The following TMED6 variants were observed in gnomAD, a reference collection of about 807,000 sequenced individuals.
The protein encoded by TMED6 is transmembrane p24 trafficking protein 6.
Under a neutral mutation model 26.5 loss-of-function variants are expected in TMED6, and 17 were observed. That is an observed-to-expected ratio of 0.64 (90% confidence interval 0.44 to 0.96). TMED6 has a LOEUF of 0.96. Among genes scored for constraint, TMED6 ranks in the 40% least tolerant of loss-of-function variants. The pLI, the probability that TMED6 is intolerant of heterozygous loss-of-function variation, is 0.00. For missense variants in TMED6, 309 were observed against 296.5 expected, an observed-to-expected ratio of 1.04 and a Z score of -0.31; for synonymous variants, 107 against 106.2, an observed-to-expected ratio of 1.01 and a Z score of -0.04.
chr16:69,346,224 T>C (rs759270693), intron 3 of TMED6, among the ~76,000 whole-genome samples: 1 of 152,210 alleles, frequency 6.6e-6, no homozygotes, highest in Non-Finnish European at 1.5e-5. Context: ...GTAAACAGTC[T>C]CCAGTAATTC....
intron 3 of TMED6, 128 bp downstream of exon 3, chr16:69,347,660 A>C: frequency 7.2e-7 from 1 of 1,381,660 alleles, no homozygotes; most frequent in Non-Finnish European, 9.9e-7. Flanking sequence ...GTGCCCAGCC[A>C]AGTCATAATT....
In TMED6 at chr16:69,343,486, G is replaced by T; in HGVS notation, c.644C>A (p.Ser215Tyr). Reference sequence around the variant, plus strand: ...CAAGAAATACAGTTGCAGGATCCCAGAAAGAATAATAACAAGGCTCTGGGC... The same window carrying T: ...CAAGAAATACAGTTGCAGGATCCCATAAAGAATAATAACAAGGCTCTGGGC... ...STAQSLVIIL[S>Y]GILQLYFLKR... The change falls in exon 4 of 4, where the codon TCT becomes TAT. Residue 215 changes from serine (S) to tyrosine (Y), a missense_variant. Transcript: ENST00000288025. 6.2e-7 allele frequency: 1 copy of T among 1,614,158 alleles called. No homozygotes were observed. Among genetic ancestry groups the T allele is most frequent in the South Asian group, 1.1e-5 (1 of 91,084 alleles).
Position 69,347,863 on chromosome 16 carries a change from G to C in TMED6, c.414C>G (p.Val138=). The change falls in exon 3 of 4, where the codon GTC becomes GTG. Residue 138 remains valine, a synonymous_variant. Transcript: ENST00000288025. ...GSVQVYLNFG[V]FYEGPETDHK... Reference sequence around the variant, plus strand: ...GATCAGTCTCAGGCCCCTCATAGAAGACCCCAAAGTTGAGGTACACTTGCA... The same window carrying C: ...GATCAGTCTCAGGCCCCTCATAGAACACCCCAAAGTTGAGGTACACTTGCA... 5 of 1,614,050 alleles carry C rather than the reference G, an allele frequency of 3.1e-6. No homozygotes were observed. The highest frequency in any genetic ancestry group is 4.2e-6 in the Non-Finnish European group (5 of 1,180,000).
At position 69,343,465 on chromosome 16, in the gene TMED6, A is replaced by C; in HGVS notation, c.665T>G (p.Phe222Cys). Reference protein sequence around the residue: ...IILSGILQLYFLKRLFNVPTT... With the variant: ...IILSGILQLYCLKRLFNVPTT... The stretch of plus-strand genomic sequence containing the variant: ...TGGAACATTGAAGAGACGCTTCAAG[A>C]AATACAGTTGCAGGATCCCAGAAAG... The change falls in exon 4 of 4, where the codon TTC (phenylalanine) becomes TGC (cysteine). Residue 222 changes from phenylalanine to cysteine, a missense_variant. Transcript: ENST00000288025. 1 of 1,614,206 alleles carries C rather than the reference A, an allele frequency of 6.2e-7. No homozygotes were observed. The highest frequency in any genetic ancestry group is 8.5e-7 in the Non-Finnish European group (1 of 1,180,036).
At chr16:69,350,133 A>C (rs60268001) in intron 1 of TMED6, among the ~76,000 whole-genome samples, 1 of 151,682 alleles carries the variant, frequency 6.6e-6, no homozygotes, top group Non-Finnish European at 1.5e-5. Flanking sequence ...TTAGCCTGGC[A>C]TGGTGGCGTG....
rs769180174 is a variant in TMED6 at position 69,351,685 on chromosome 16, C to T, written c.69G>A (p.Lys23=). 6.2e-7 allele frequency: 1 copy of T among 1,613,908 alleles called. No homozygotes were observed. The highest frequency in any genetic ancestry group is 1.7e-5 in the Admixed American group (1 of 59,980). Reference sequence around the variant, plus strand: ...CCCCAGAGCCACTTAGAGGTTCTGTCTTCTGGCTCCTGGCAGACGTCACTA... The same window carrying T: ...CCCCAGAGCCACTTAGAGGTTCTGTTTTCTGGCTCCTGGCAGACGTCACTA... The part of the protein sequence containing the change: ...LNLVTSARSQ[K]TEPLSGSGDQ... Residue 23 remains lysine, a synonymous_variant, in exon 1 of 4, where the codon AAG becomes AAA. Coordinates refer to ENST00000288025, the MANE Select transcript of TMED6 (RefSeq NM_144676.4).
chr16:69,351,484 C>G (rs1332196017), intron 1 of TMED6, 57 bp downstream of exon 1: 11 of 1,556,624 alleles, frequency 7.1e-6, no homozygotes, highest in African/African-American at 1.4e-5. Flanking sequence ...ACCTGACCCA[C>G]TTTATGAGTA....
At position 69,343,493 on chromosome 16, in the gene TMED6, T is replaced by A. The variant is rs773665936; in HGVS notation, c.637A>T (p.Ile213Phe). The A allele has an allele frequency of 6.2e-7, 1 of 1,614,190 alleles. No homozygotes were observed. Among genetic ancestry groups the A allele is most frequent in the Non-Finnish European group, 8.5e-7 (1 of 1,180,032 alleles). The change falls in exon 4 of 4, where the codon ATT (isoleucine) becomes TTT (phenylalanine). Residue 213 changes from isoleucine to phenylalanine, a missense_variant. Ile to Phe is a conservative substitution (Grantham distance 21, BLOSUM62 0). Coordinates refer to ENST00000288025, the MANE Select transcript of TMED6 (RefSeq NM_144676.4). ...TACAGTTGCAGGATCCCAGAAAGAA[T>A]AATAACAAGGCTCTGGGCTGTCGAC... ...WWSTAQSLVI[I>F]LSGILQLYFL...
At chr16:69,347,081 C>T (rs960211280) in intron 3 of TMED6, among the ~76,000 whole-genome samples, 13 of 152,042 alleles carry the variant, frequency 8.6e-5, no homozygotes, top group African/African-American at 1.2e-4. Context: ...GACAGTAGAA[C>T]AGTGATAGGC....
intron 2 of TMED6, chr16:69,348,266 G>T: frequency 5.0e-6 from 1 of 201,424 alleles, no homozygotes; most frequent in Non-Finnish European, 1.0e-5. Flanking sequence ...AGAGCATGGT[G>T]TTTGCCTGGT....
intron 3 of TMED6, among the ~76,000 whole-genome samples, chr16:69,344,824 C>T (rs2012656836): frequency 6.6e-6 from 1 of 151,512 alleles, no homozygotes; most frequent in South Asian, 2.1e-4. Flanking sequence ...CACGGTGGCT[C>T]GTTCCTGTAA....
At chr16:69,345,153 T>A (rs2012663486) in intron 3 of TMED6, among the ~76,000 whole-genome samples, 1 of 152,132 alleles carries the variant, frequency 6.6e-6, no homozygotes, top group Non-Finnish European at 1.5e-5. Context: ...GGCACACGCC[T>A]GTAGTCCCAG....
rs376986330 is a variant in TMED6 at position 69,350,581 on chromosome 16, T to G, written c.214-930A>C. On this transcript the variant is annotated intron_variant, in intron 1 of 3. Coordinates refer to ENST00000288025, the MANE Select transcript of TMED6 (RefSeq NM_144676.4). ...TCCCAAAGTGCTGGGATGACAGATG[T>G]GAGCCACCGCACCCGGCCTGGCTGT... 5.0e-3 allele frequency among the ~76,000 whole-genome samples: 757 copies of G among 152,280 alleles called. 1 individual carries two copies. Among genetic ancestry groups the G allele is most frequent in the Non-Finnish European group, 9.2e-3 (623 of 68,028 alleles).
intron 1 of TMED6, among the ~76,000 whole-genome samples, chr16:69,350,511 G>A (rs972575468): frequency 3.9e-5 from 6 of 152,134 alleles, no homozygotes; most frequent in Non-Finnish European, 8.8e-5. Context: ...TATTGGCCAA[G>A]GTGGTCTCGA....
chr16:69,349,810 C>G (rs1463375160), intron 1 of TMED6, among the ~76,000 whole-genome samples, 159 bp from the exon 2 acceptor site: 2 of 152,110 alleles, frequency 1.3e-5, no homozygotes. Flanking sequence ...TTGGAGGATT[C>G]TGAGGTATCA....
rs188638980 is a variant in TMED6 at position 69,343,297 on chromosome 16, G to T, written c.*110C>A. The stretch of plus-strand genomic sequence containing the variant: ...TGCCATTTTGCTTTTTTAGATGTGT[G>T]CAGCAGACTAAAACATTAATGAGAT... On this transcript the variant is annotated 3_prime_UTR_variant, in exon 4 of 4. Transcript: ENST00000288025. The T allele has an allele frequency of 3.0e-6, 3 of 1,001,906 alleles. No homozygotes were observed. The East Asian group carries it at 7.9e-5, about 26-fold the overall frequency. 62.1% of individuals were successfully genotyped at this position (1,001,906 alleles called of 1,614,324 possible). A position where few individuals can be genotyped will look rare whatever the true frequency, so the allele number is the denominator to read the frequency against.
chr16:69,347,621 A>G (rs1176332992), intron 3 of TMED6, among the ~76,000 whole-genome samples, 167 bp downstream of exon 3: 1 of 152,102 alleles, frequency 6.6e-6, no homozygotes, highest in Non-Finnish European at 1.5e-5. Context: ...CGGCCTCCCA[A>G]AGTGCTGGGA....
At chr16:69,350,250 C>A (rs140380269) in intron 1 of TMED6, among the ~76,000 whole-genome samples, 1 of 143,826 alleles carries the variant, frequency 7.0e-6, no homozygotes, top group African/African-American at 2.6e-5. Flanking sequence ...CCAGCCTGAG[C>A]GACAGAGCAA....
At chr16:69,344,623 ATT>A (rs2012652174) in intron 3 of TMED6, among the ~76,000 whole-genome samples, 1 of 151,800 alleles carries the variant, frequency 6.6e-6, no homozygotes, top group African/African-American at 2.4e-5. Flanking sequence ...AAATACAAAA[ATT>A]AGCCAGGTGT....
Sources: gnomAD v4.1 joint callset for allele counts (sites outside exome capture counted in the v4.1 genomes callset) on GRCh38, gnomAD v4.1.1 for gene constraint, MANE v1.5 for transcripts, NCBI Gene and HGNC (gene_info 2026-07-23, HGNC 2026-07-21) for gene names.